The following TADA2A variants were observed in gnomAD, a reference collection of about 807,000 sequenced individuals.
TADA2A encodes transcriptional adaptor 2A.
In TADA2A, 38 loss-of-function variants were observed where a neutral mutation model predicts 67.4. That is an observed-to-expected ratio of 0.56 (90% confidence interval 0.44 to 0.74). The LOEUF is 0.74. Ranked by LOEUF, TADA2A falls within the 30% of genes least tolerant of loss-of-function variation. The probability of loss-of-function intolerance (pLI) is 0.00; values close to 1 mark genes in which losing one functional copy is unlikely to be tolerated. For synonymous variants in TADA2A, 192 were observed against 181.6 expected, an observed-to-expected ratio of 1.06 and a Z score of -0.46; for missense variants, 454 against 547.0, an observed-to-expected ratio of 0.83 and a Z score of 1.70.
chr17:37,408,184 G>A (rs1388148171), intron 1 of TADA2A, among the ~76,000 whole-genome samples: 1 of 152,164 alleles, frequency 6.6e-6, no homozygotes. Flanking sequence ...ACCGCACCCG[G>A]CCTCCTACTG....
intron 1 of TADA2A, among the ~76,000 whole-genome samples, chr17:37,410,264 C>T (rs2051820536): frequency 6.6e-6 from 1 of 151,760 alleles, no homozygotes; most frequent in South Asian, 2.1e-4. Context: ...GCATCCTCGA[C>T]CTCCTAGGCC....
intron 3 of TADA2A, chr17:37,426,704 G>T: frequency 3.1e-6 from 1 of 325,236 alleles, no homozygotes; most frequent in Non-Finnish European, 5.5e-6. Flanking sequence ...TCAAGAAGTG[G>T]TGTGGTGGCC....
intron 1 of TADA2A, among the ~76,000 whole-genome samples, chr17:37,408,998 C>T (rs1409290423): frequency 6.6e-6 from 1 of 152,150 alleles, no homozygotes; most frequent in Non-Finnish European, 1.5e-5. Flanking sequence ...TTTATTAGTC[C>T]ACTACTATGT....
At chr17:37,433,604 A>G (rs2147950049) in intron 4 of TADA2A, among the ~76,000 whole-genome samples, 1 of 152,160 alleles carries the variant, frequency 6.6e-6, no homozygotes, top group East Asian at 1.9e-4. Flanking sequence ...AGCTACAGTG[A>G]GCCATGATCA....
intron 2 of TADA2A, among the ~76,000 whole-genome samples, chr17:37,414,341 A>T (rs571060655): frequency 6.6e-6 from 1 of 152,092 alleles, no homozygotes; most frequent in East Asian, 1.9e-4. Context: ...CTACATCCTT[A>T]TAGCGTACTC....
intron 4 of TADA2A, among the ~76,000 whole-genome samples, chr17:37,436,932 G>T (rs1255466381): frequency 6.6e-6 from 1 of 151,658 alleles, no homozygotes; most frequent in African/African-American, 2.4e-5. Context: ...TGCATGAATT[G>T]CTTGGCATTT....
chr17:37,429,390 T>TGTC (rs2052506234), intron 4 of TADA2A, among the ~76,000 whole-genome samples: 1 of 152,144 alleles, frequency 6.6e-6, no homozygotes, highest in Admixed American at 6.5e-5. Flanking sequence ...TTTGATGGAC[T>TGTC]AGTCAGAAGA....
chr17:37,473,618 C>A (rs2148051088), intron 14 of TADA2A, among the ~76,000 whole-genome samples: 1 of 152,326 alleles, frequency 6.6e-6, no homozygotes, highest in East Asian at 1.9e-4. Flanking sequence ...CTCAGTCTAT[C>A]CATTCCCAGC....
chr17:37,443,640 T>C (rs574666084), intron 7 of TADA2A, among the ~76,000 whole-genome samples: 9 of 152,318 alleles, frequency 5.9e-5, no homozygotes, highest in African/African-American at 2.2e-4. Flanking sequence ...AAAGGCCAGA[T>C]AGTAAATATT....
At chr17:37,441,668 CTT>C (rs34359729) in intron 6 of TADA2A, among the ~76,000 whole-genome samples, 136 of 137,084 alleles carry the variant, frequency 9.9e-4, no homozygotes, top group East Asian at 6.3e-3. Flanking sequence ...GTAATACCTC[CTT>C]TTTTTTTTTT....
chr17:37,471,331 G>T (rs1450619511), intron 14 of TADA2A, among the ~76,000 whole-genome samples, 194 bp downstream of exon 14: 1 of 152,130 alleles, frequency 6.6e-6, no homozygotes, highest in Admixed American at 6.5e-5. Flanking sequence ...TATCCTCAGA[G>T]TGACAGTATA....
intron 5 of TADA2A, among the ~76,000 whole-genome samples, chr17:37,439,500 C>G (rs1005001682): frequency 1.3e-5 from 2 of 152,068 alleles, no homozygotes; most frequent in African/African-American, 2.4e-5. Context: ...CCAGGCTGGT[C>G]TCGAACTCCT....
chr17:37,440,530 A>G lies in TADA2A; in HGVS notation c.310A>G (p.Thr104Ala), dbSNP rs760559082. The G allele has an allele frequency of 4.3e-6, 7 of 1,614,058 alleles. No individual in the cohort carries two copies. The Admixed American group carries it at 8.3e-5, about 19-fold the overall frequency. ...GCAGGATGTAGCCAATCAAATGTGC[A>G]CCAAGACCAAGGAGGAGTGTGAGAA... is the stretch of plus-strand genomic sequence containing the variant. The part of the protein sequence containing the change: ...NWQDVANQMC[T>A]KTKEECEKHY... Residue 104 changes from threonine (T) to alanine (A), a missense_variant, in exon 6 of 16, where the codon ACC becomes GCC. By Grantham distance (58) the Thr-to-Ala change is moderately conservative (BLOSUM62 0). Around this residue, in one of 2 missense-constraint regions of TADA2A, gnomAD observed 403 missense variants for 455.5 expected, o/e 0.88. Coordinates refer to ENST00000615182, the MANE Select transcript of TADA2A (RefSeq NM_001166105.3).
chr17:37,450,037 G>C (rs1437295322), intron 8 of TADA2A, among the ~76,000 whole-genome samples: 1 of 152,096 alleles, frequency 6.6e-6, no homozygotes, highest in Admixed American at 6.6e-5. Context: ...AGTGTCCTGG[G>C]CCACACATAA....
chr17:37,420,169 G>A lies in TADA2A; in HGVS notation c.26-3340G>A, dbSNP rs2052188103. Among the ~76,000 whole-genome samples, 2 of 146,132 alleles carry A rather than the reference G, an allele frequency of 1.4e-5. 1 individual carries two copies. Among genetic ancestry groups the A allele is most frequent in the South Asian group, 4.4e-4 (2 of 4,510 alleles). On this transcript the variant is annotated intron_variant, in intron 2 of 15. Transcript: ENST00000615182. ...GTCACTTAATATACAATAATTTTTG[G>A]CTCAGCGCAGTGGCTCACTCCTGTA...
At chr17:37,469,388 C>A (rs1016727861) in intron 12 of TADA2A, among the ~76,000 whole-genome samples, 2 of 151,710 alleles carry the variant, frequency 1.3e-5, no homozygotes, top group Non-Finnish European at 2.9e-5. Flanking sequence ...AATCCCAGCA[C>A]TTTGGGAGGC....
At chr17:37,468,533 C>T (rs1481715406) in intron 12 of TADA2A, among the ~76,000 whole-genome samples, 7 of 144,780 alleles carry the variant, frequency 4.8e-5, no homozygotes, top group Non-Finnish European at 9.1e-5. Flanking sequence ...TTTTTCTTTC[C>T]TTTTTTTTTT....
rs950113269 is a variant in TADA2A, at chr17:37,407,454, A to T, written c.-98+505A>T. ...GGAGCCTGCGCCTTTCCTCCTCCCA[A>T]CGTGGACTCCTGCCCGGCGAAGTGC... On this transcript the variant is annotated intron_variant, in intron 1 of 15. Transcript: ENST00000615182. The T allele has an allele frequency of 1.8e-4, 27 of 152,142 alleles. 1 individual carries two copies. The allele number at this position is 152,142 out of a possible 1,614,324, so 9.4% of individuals were successfully genotyped here. A position where few individuals can be genotyped will look rare whatever the true frequency, so the allele number is the denominator to read the frequency against.
chr17:37,416,605 G>A (rs1391496553), intron 2 of TADA2A, among the ~76,000 whole-genome samples: 1 of 151,876 alleles, frequency 6.6e-6, no homozygotes, highest in Non-Finnish European at 1.5e-5. Flanking sequence ...GGTGGCTCAC[G>A]CCTGTAATCC....
Sources: gnomAD v4.1 joint callset for allele counts (sites outside exome capture counted in the v4.1 genomes callset) on GRCh38, gnomAD v4.1.1 for gene constraint, gnomAD v4.1.1 regional missense constraint, MANE v1.5 for transcripts, NCBI Gene and HGNC (gene_info 2026-07-23, HGNC 2026-07-21) for gene names.